Variants in NCOA6 observed in about 807,000 individuals in gnomAD.
NCOA6 encodes nuclear receptor coactivator 6.
Under a neutral mutation model 171.4 loss-of-function variants are expected in NCOA6, and 49 were observed. The observed-to-expected ratio is 0.29, with a 90% CI of 0.23 to 0.36. NCOA6 has a LOEUF of 0.36. NCOA6 is among the 10% of genes least tolerant of loss of function. The probability of loss-of-function intolerance (pLI) is 1.00; values close to 1 mark genes in which losing one functional copy is unlikely to be tolerated. For missense variants in NCOA6, 2,248 were observed against 2,554.5 expected (o/e 0.88, Z 2.59); for synonymous variants, 910 against 927.5 (o/e 0.98, Z 0.34).
intron 1 of NCOA6, among the ~76,000 whole-genome samples, chr20:34,803,409 G>A (rs1467087828): frequency 6.6e-6 from 1 of 151,116 alleles, no homozygotes; most frequent in Non-Finnish European, 1.5e-5. Context: ...AGAGGTTGCA[G>A]TGAGCCAATA....
At chr20:34,770,575 T>C (rs1444758946) in intron 4 of NCOA6, among the ~76,000 whole-genome samples, 1 of 152,150 alleles carries the variant, frequency 6.6e-6, no homozygotes, top group Non-Finnish European at 1.5e-5. Flanking sequence ...CATCAGTTCG[T>C]ATCATTCCTT....
intron 1 of NCOA6, among the ~76,000 whole-genome samples, chr20:34,808,661 C>T (rs2078544893): frequency 6.6e-6 from 1 of 152,120 alleles, no homozygotes; most frequent in South Asian, 2.1e-4. Flanking sequence ...TGGTCTTGAA[C>T]CCCTGACCTC....
rs115229763 is a variant in NCOA6, at chr20:34,767,705, C to T, written c.514+759G>A. On this transcript the variant is annotated intron_variant, in intron 5 of 14. Transcript: ENST00000359003. ...GGGTAAGCAGGTTCTTACTCTGCTT[C>T]AACCACAGCAGCTGTGCTTTTCTGT... Among the ~76,000 whole-genome samples the T allele has an allele frequency of 4.1e-3, 630 of 152,312 alleles. 2 individuals are homozygous for T. Among genetic ancestry groups the T allele is most frequent in the African/African-American group, 0.014 (602 of 41,562 alleles).
chr20:34,822,683 T>C (rs957293705), intron 1 of NCOA6, among the ~76,000 whole-genome samples: 1 of 152,230 alleles, frequency 6.6e-6, no homozygotes, highest in Non-Finnish European at 1.5e-5. Flanking sequence ...ATGCTTGATA[T>C]GCAGTAGATG....
intron 1 of NCOA6, among the ~76,000 whole-genome samples, chr20:34,824,689 C>G (rs1256636393): frequency 6.6e-6 from 1 of 152,228 alleles, no homozygotes; most frequent in Non-Finnish European, 1.5e-5. Context: ...AAACCTCAGT[C>G]TCCCTTTGTC....
In NCOA6 at chr20:34,741,421, G is replaced by A; in HGVS notation, c.4835C>T (p.Thr1612Ile). The A allele has an allele frequency of 6.2e-7, 1 of 1,614,222 alleles. No homozygotes were observed. The highest frequency in any genetic ancestry group is 2.2e-5 in the East Asian group (1 of 44,888). The stretch of plus-strand genomic sequence containing the variant: ...CAAGTGAGTTGGCAAAGCTGCTGAT[G>A]TGTTAGCTGAAGTTGTGATGGGATT... ...TSNPITTSAN[T>I]SAALPTHLQS... is the part of the protein sequence containing the mutation. Residue 1612 changes from threonine to isoleucine, a missense_variant, in exon 11 of 15, where the codon ACA (threonine) becomes ATA (isoleucine). Transcript: ENST00000359003.
chr20:34,721,238 C>CAAAAAAA lies in NCOA6; in HGVS notation c.6149-5880_6149-5874dup, dbSNP rs10531679. On this transcript the variant is annotated intron_variant, in intron 14 of 14. Coordinates refer to ENST00000359003, the MANE Select transcript of NCOA6 (RefSeq NM_014071.5). ...CTCCCCTTCCCCTTCTTCCTCTATA[C>CAAAAAAA]AAAAAAAAAAAAAAAAAAAAAAAAA... 2.7e-3 allele frequency among the ~76,000 whole-genome samples: 176 copies of CAAAAAAA among 66,050 alleles called. 7 individuals are homozygous for CAAAAAAA. Among genetic ancestry groups the CAAAAAAA allele is most frequent in the African/African-American group, 0.011 (166 of 15,724 alleles). The allele number at this position is 66,050 out of a possible 152,430, so 43.3% of individuals were successfully genotyped here. A position where few individuals can be genotyped will look rare whatever the true frequency, so the allele number is the denominator to read the frequency against.
intron 14 of NCOA6, among the ~76,000 whole-genome samples, chr20:34,721,729 C>T (rs913043405): frequency 6.6e-6 from 1 of 152,080 alleles, no homozygotes. Context: ...CAGACCACTA[C>T]CAACCAGTCC....
intron 2 of NCOA6, among the ~76,000 whole-genome samples, chr20:34,785,775 T>C (rs1385316982): frequency 1.3e-5 from 2 of 152,018 alleles, no homozygotes; most frequent in Non-Finnish European, 2.9e-5. Flanking sequence ...AAACAGGTCG[T>C]TGGTCATGAC....
intron 13 of NCOA6, among the ~76,000 whole-genome samples, chr20:34,730,566 G>A (rs942109079): frequency 7.9e-5 from 12 of 152,144 alleles, no homozygotes; most frequent in African/African-American, 2.9e-4. Flanking sequence ...AAATGCAGAT[G>A]AATTCAAACA....
Position 34,758,806 on chromosome 20 carries a change from T to C in NCOA6, c.642A>G (p.Ser214=). The part of the protein sequence containing the change: ...QPRTPRPASQ[S]DAMDPLLSGL... The stretch of plus-strand genomic sequence containing the variant: ...TCCTCAAAGATTGGAAGTCATTACC[T>C]GACTGAGAAGCAGGGCGAGGAGTCC... Residue 214 remains serine, a splice_region_variant and synonymous_variant, in exon 6 of 15, where the codon TCA becomes TCG. Transcript: ENST00000359003. 6.2e-7 allele frequency: 1 copy of C among 1,612,396 alleles called. No homozygotes were observed. Among genetic ancestry groups the C allele is most frequent in the Non-Finnish European group, 8.5e-7 (1 of 1,179,534 alleles).
At chr20:34,730,272 T>C (rs1051484342) in intron 13 of NCOA6, among the ~76,000 whole-genome samples, 1 of 151,894 alleles carries the variant, frequency 6.6e-6, no homozygotes, top group South Asian at 2.1e-4. Context: ...TTTTTTTTCA[T>C]AGAGACAGGG....
At chr20:34,715,784 C>A (rs1440827773) in intron 14 of NCOA6, among the ~76,000 whole-genome samples, 1 of 152,082 alleles carries the variant, frequency 6.6e-6, no homozygotes. Context: ...CAAAAAAAAA[C>A]CTGCCTTGGG....
chr20:34,732,479 T>A, intron 13 of NCOA6, 80 bp downstream of exon 13: 2 of 1,386,660 alleles, frequency 1.4e-6, no homozygotes, highest in East Asian at 2.3e-5. Flanking sequence ...TGAAGAGAGG[T>A]TTAAAGACTG....
intron 11 of NCOA6, among the ~76,000 whole-genome samples, chr20:34,738,071 A>C (rs943023639): frequency 6.6e-6 from 1 of 151,660 alleles, no homozygotes; most frequent in Non-Finnish European, 1.5e-5. Context: ...GCTAATTTTT[A>C]CATATTTTTT....
Position 34,741,019 on chromosome 20 carries a change from G to C in NCOA6, c.5237C>G (p.Pro1746Arg). The part of the protein sequence containing the change: ...SRATPVQLPS[P>R]PCTSSPVVPS... ...GACAACTGGAGAAGACGTACAAGGA[G>C]GGGAAGGAAGCTGAACAGGGGTGGC... The change falls in exon 11 of 15, where the codon CCT becomes CGT. Residue 1746 changes from proline to arginine, a missense_variant. By Grantham distance (103) the Pro-to-Arg change is moderately radical. This residue lies in a region of NCOA6 where 884 missense variants were observed against 941.9 expected (regional missense o/e 0.94). Transcript: ENST00000359003. 2 of 1,614,238 alleles carry C rather than the reference G, an allele frequency of 1.2e-6. No homozygotes were observed. The highest frequency in any genetic ancestry group is 1.7e-6 in the Non-Finnish European group (2 of 1,180,036).
chr20:34,776,547 G>C (rs765032575), intron 3 of NCOA6, 99 bp from the exon 4 acceptor site: 44 of 1,359,960 alleles, frequency 3.2e-5, no homozygotes, highest in Non-Finnish European at 4.4e-5. Flanking sequence ...ATAAGGTGGA[G>C]CACCAGCTTG....
intron 14 of NCOA6, among the ~76,000 whole-genome samples, chr20:34,718,849 G>A (rs868755901): frequency 5.9e-5 from 9 of 152,128 alleles, no homozygotes; most frequent in African/African-American, 1.9e-4. Context: ...GTGATGTAGA[G>A]GCTAATGATC....
chr20:34,801,152 G>A (rs1912269469), intron 1 of NCOA6, among the ~76,000 whole-genome samples: 1 of 152,074 alleles, frequency 6.6e-6, no homozygotes, highest in Admixed American at 6.6e-5. Flanking sequence ...AAAATTTCTT[G>A]AAATAAATTA....
Sources: allele counts gnomAD v4.1 joint callset (sites outside exome capture counted in the v4.1 genomes callset), GRCh38; gene constraint gnomAD v4.1.1; regional missense constraint gnomAD v4.1.1; transcripts MANE v1.5; gene names NCBI Gene and HGNC (gene_info 2026-07-23, HGNC 2026-07-21).